MICALL1: variants seen among roughly 807,000 people sequenced by gnomAD.
The protein encoded by MICALL1 is MICAL-like protein 1.
In MICALL1, 61 loss-of-function variants were observed where a neutral mutation model predicts 83.7. The ratio of observed to expected loss-of-function variants is 0.73; its 90% CI spans 0.59 to 0.90. MICALL1 has a LOEUF of 0.90. Ranked by LOEUF, MICALL1 falls within the 40% of genes least tolerant of loss-of-function variation. MICALL1 has a pLI of 0.00. For missense variants in MICALL1, 1,066 were observed against 1,152.0 expected, an observed-to-expected ratio of 0.93 and a Z score of 1.08; for synonymous variants, 481 against 473.6, an observed-to-expected ratio of 1.02 and a Z score of -0.20.
intron 13 of MICALL1, among the ~76,000 whole-genome samples, chr22:37,936,030 A>G (rs1156806052): frequency 6.6e-6 from 1 of 152,102 alleles, no homozygotes; most frequent in African/African-American, 2.4e-5. Context: ...GGCCCGGCCT[A>G]GGATATTTAT....
chr22:37,931,803 C>T lies in MICALL1; in HGVS notation c.1886C>T (p.Ser629Phe). Reference sequence around the variant, plus strand: ...GTCATGTCTCCTTCCCTTTAGTCCTCCTGCAAGGAGAATCCTTTTAACCGG... The same window carrying T: ...GTCATGTCTCCTTCCCTTTAGTCCTTCTGCAAGGAGAATCCTTTTAACCGG... ...SSSPQLQVKS[S>F]CKENPFNRKP... Residue 629 changes from serine to phenylalanine, a missense_variant, in exon 10 of 16, where the codon TCC (serine) becomes TTC (phenylalanine). By Grantham distance (155) the Ser-to-Phe change is radical. Transcript: ENST00000215957. 2 of 1,614,110 alleles carry T rather than the reference C, an allele frequency of 1.2e-6. No homozygotes were observed. Among genetic ancestry groups the T allele is most frequent in the East Asian group, 2.2e-5 (1 of 44,880 alleles).
intron 1 of MICALL1, among the ~76,000 whole-genome samples, chr22:37,909,867 G>C (rs1928206660): frequency 6.6e-6 from 1 of 152,154 alleles, no homozygotes; most frequent in Non-Finnish European, 1.5e-5. Context: ...GAGAATAGGA[G>C]TGGCCTAGAG....
chr22:37,919,263 G>A, intron 5 of MICALL1, 85 bp downstream of exon 5: 1 of 1,379,856 alleles, frequency 7.2e-7, no homozygotes, highest in South Asian at 1.7e-5. Context: ...CAGGCACCTT[G>A]CCAGGCCCTT....
chr22:37,916,092 G>T (rs373786656), intron 3 of MICALL1, among the ~76,000 whole-genome samples: 7 of 152,206 alleles, frequency 4.6e-5, no homozygotes, highest in African/African-American at 1.7e-4. Flanking sequence ...ACTCTGCGGG[G>T]TGGGTGGGGT....
At chr22:37,918,945 G>A (rs1182551481) in intron 4 of MICALL1, 91 bp from the exon 5 acceptor site, 7 of 1,389,954 alleles carry the variant, frequency 5.0e-6, no homozygotes, top group Middle Eastern at 1.9e-4. Flanking sequence ...GAGTGACGGT[G>A]GCCGTTGGAG....
intron 1 of MICALL1, chr22:37,907,374 A>C (rs1471445982): frequency 6.6e-6 from 1 of 152,344 alleles, no homozygotes; most frequent in Admixed American, 6.5e-5. Context: ...GGGAAAATGC[A>C]TTCAGACTCC....
At chr22:37,910,398 C>G (rs536917271) in intron 1 of MICALL1, among the ~76,000 whole-genome samples, 4 of 152,190 alleles carry the variant, frequency 2.6e-5, no homozygotes, top group Admixed American at 6.5e-5. Context: ...CTCATTTGGT[C>G]TTGGAAAAAG....
At position 37,911,978 on chromosome 22, in the gene MICALL1, A is replaced by G. The variant is rs771702386; in HGVS notation, c.173A>G (p.Asn58Ser). Residue 58 changes from asparagine (N) to serine (S), a missense_variant, in exon 2 of 16, where the codon AAT becomes AGT. Physicochemically the swap from Asn to Ser is conservative, Grantham distance 46. Coordinates refer to ENST00000215957, the MANE Select transcript of MICALL1 (RefSeq NM_033386.4). ...GATTTTGATTCGCTTTCCAAGGACA[A>G]TGTCTTCGAGAATAACCGTTTGGTA... ...LLDFDSLSKD[N>S]VFENNRLAFE... 2.2e-5 allele frequency: 35 copies of G among 1,614,060 alleles called. No homozygotes were observed. The highest frequency in any genetic ancestry group is 1.2e-4 in the South Asian group (11 of 91,064).
At position 37,906,636 on chromosome 22, in the gene MICALL1, C is replaced by T; in HGVS notation, c.146+68C>T. On this transcript the variant is annotated intron_variant, in intron 1 of 15. Transcript: ENST00000215957. This position sits in a 1 kb window ranked among gnomAD's most constrained non-coding sequence, Gnocchi z 4.4. The stretch of plus-strand genomic sequence containing the variant: ...TGGGGCCGCGACCGCCGCCCCCCCT[C>T]AGTAACACGAAGCCCGGGCGGTGAC... The T allele has an allele frequency of 8.8e-7, 1 of 1,130,120 alleles. No homozygotes were observed. Among genetic ancestry groups the T allele is most frequent in the Non-Finnish European group, 1.1e-6 (1 of 919,930 alleles). The allele number at this position is 1,130,120 out of a possible 1,614,324, so 70.0% of individuals were successfully genotyped here. A position where few individuals can be genotyped will look rare whatever the true frequency, so the allele number is the denominator to read the frequency against.
Position 37,927,784 on chromosome 22 carries a change from G to A in MICALL1, c.1839G>A (p.Pro613=), listed in dbSNP as rs758802058. 9.9e-6 allele frequency: 16 copies of A among 1,612,014 alleles called. No homozygotes were observed. Among genetic ancestry groups the A allele is most frequent in the East Asian group, 4.5e-5 (2 of 44,830 alleles). ...TCTTGTTGGTTGGAGACAGGAGCCCGGTGCCTTCCCCTGGAAGCTCGTCCC... is the reference window on the plus strand; with the variant it reads ...TCTTGTTGGTTGGAGACAGGAGCCCAGTGCCTTCCCCTGGAAGCTCGTCCC... ...TPLLLVGDRS[P]VPSPGSSSPQ... is the part of the protein sequence containing the mutation. The change falls in exon 9 of 16, where the codon CCG becomes CCA. Residue 613 remains proline (P), a synonymous_variant. Coordinates refer to ENST00000215957, the MANE Select transcript of MICALL1 (RefSeq NM_033386.4).
At position 37,927,583 on chromosome 22, in the gene MICALL1, T is replaced by C. The variant is rs1467047173; in HGVS notation, c.1638T>C (p.Gly546=). The change falls in exon 9 of 16, where the codon GGT becomes GGC. Residue 546 remains glycine, a synonymous_variant. Coordinates refer to ENST00000215957, the MANE Select transcript of MICALL1 (RefSeq NM_033386.4). ...SSSEPAVHAP[G]TPGNPVSLST... is the part of the protein sequence containing the mutation. The stretch of plus-strand genomic sequence containing the variant: ...CAGAGCCTGCTGTCCATGCCCCTGG[T>C]ACCCCTGGAAACCCTGTCAGCCTCT... 5.0e-6 allele frequency: 8 copies of C among 1,613,296 alleles called. No homozygotes were observed. The highest frequency in any genetic ancestry group is 6.8e-6 in the Non-Finnish European group (8 of 1,179,396).
intron 13 of MICALL1, among the ~76,000 whole-genome samples, 177 bp from the exon 14 acceptor site, chr22:37,936,903 C>CA (rs113465303): frequency 3.5e-4 from 51 of 145,642 alleles, no homozygotes; most frequent in African/African-American, 9.5e-4. Flanking sequence ...AAAAAAAAAA[C>CA]AAAAAAAAAA....
At chr22:37,927,302 T>G in intron 8 of MICALL1, 109 bp from the exon 9 acceptor site, 1 of 1,291,084 alleles carries the variant, frequency 7.7e-7, no homozygotes, top group Non-Finnish European at 1.0e-6. Flanking sequence ...TGTGGAGGGC[T>G]TGGGTTTCTG....
intron 13 of MICALL1, among the ~76,000 whole-genome samples, chr22:37,935,017 C>T (rs1299720466): frequency 1.2e-4 from 18 of 150,182 alleles, no homozygotes; most frequent in South Asian, 6.3e-4. Context: ...CTGCAAGCTC[C>T]GCCTCCCCAG....
Position 37,922,093 on chromosome 22 carries a change from C to A in MICALL1, c.691C>A (p.Pro231Thr). The change falls in exon 6 of 16, where the codon CCT becomes ACT. Residue 231 changes from proline (P) to threonine (T), a missense_variant. By Grantham distance (38) the Pro-to-Thr change is conservative. Transcript: ENST00000215957. ...LGPGTRSGTR[P>T]GPFSQPKQQH... ...CCCGGGGACACGGTCGGGGACCAGG[C>A]CTGGGCCCTTCTCACAGCCAAAGCA... 1 of 1,613,404 alleles carries A rather than the reference C, an allele frequency of 6.2e-7. No homozygotes were observed.
chr22:37,922,799 T>TG (rs1929169558), intron 6 of MICALL1, among the ~76,000 whole-genome samples: 2 of 136,798 alleles, frequency 1.5e-5, no homozygotes, highest in African/African-American at 5.5e-5. Flanking sequence ...TTTTTTTGTT[T>TG]TTTTTTTTTT....
In MICALL1 at chr22:37,925,689, T is replaced by C; in HGVS notation, c.1111T>C (p.Trp371Arg). 2 of 1,572,808 alleles carry C rather than the reference T, an allele frequency of 1.3e-6. No homozygotes were observed. Among genetic ancestry groups the C allele is most frequent in the Non-Finnish European group, 1.7e-6 (2 of 1,156,698 alleles). The stretch of plus-strand genomic sequence containing the variant: ...ACCAGCCCCCAGGAAGGACCCCCCA[T>C]GGATCACGCTGGTGCAGGCAGAACC... ...GTPAPRKDPP[W>R]ITLVQAEPKK... Residue 371 changes from tryptophan (W) to arginine (R), a missense_variant, in exon 8 of 16, where the codon TGG (tryptophan) becomes CGG (arginine). By Grantham distance (101) the Trp-to-Arg change is moderately radical. Transcript: ENST00000215957.
rs759158895 is a variant in MICALL1, at chr22:37,933,032, C to A, written c.2235-7C>A. On this transcript the variant is annotated splice_region_variant and splice_polypyrimidine_tract_variant and intron_variant, in intron 12 of 15. Coordinates refer to ENST00000215957, the MANE Select transcript of MICALL1 (RefSeq NM_033386.4). Reference sequence around the variant, plus strand: ...ATTGTTAAGAGTCACCTTATTCCCACCCCTAGCTTCAAGCAGCAGAACCTG... The same window carrying A: ...ATTGTTAAGAGTCACCTTATTCCCAACCCTAGCTTCAAGCAGCAGAACCTG... 33 of 1,614,028 alleles carry A rather than the reference C, an allele frequency of 2.0e-5. No individual in the cohort carries two copies. Among genetic ancestry groups the A allele is most frequent in the Non-Finnish European group, 2.8e-5 (33 of 1,180,002 alleles).
chr22:37,926,129 C>T (rs1048803272), intron 8 of MICALL1, 86 bp downstream of exon 8: 62 of 1,455,198 alleles, frequency 4.3e-5, no homozygotes, highest in Non-Finnish European at 5.6e-5. Flanking sequence ...GGGGCAGAGC[C>T]TACCAGGCCA....
Sources: gnomAD v4.1 joint callset for allele counts (sites outside exome capture counted in the v4.1 genomes callset) on GRCh38, gnomAD v4.1.1 for gene constraint, Gnocchi (gnomAD v3.1) non-coding constraint, MANE v1.5 for transcripts, NCBI Gene and HGNC (gene_info 2026-07-23, HGNC 2026-07-21) for gene names.